FKBP9: variants seen among roughly 807,000 people sequenced by gnomAD.
The protein encoded by FKBP9 is peptidyl-prolyl cis-trans isomerase FKBP9.
Under a neutral mutation model 55.6 loss-of-function variants are expected in FKBP9, and 27 were observed. That is an observed-to-expected ratio of 0.49 (90% confidence interval 0.36 to 0.67). FKBP9 has a LOEUF of 0.67. FKBP9 is among the 30% of genes least tolerant of loss of function. FKBP9 has a pLI of 0.00. For synonymous variants in FKBP9, 267 were observed against 296.5 expected (o/e 0.90, Z 1.02); for missense variants, 539 against 742.8 (o/e 0.73, Z 3.19).
chr7:32,997,697 G>A lies in FKBP9; in HGVS notation c.1226+1348G>A, dbSNP rs557007920. On this transcript the variant is annotated intron_variant, in intron 7 of 9. Coordinates refer to ENST00000242209, the MANE Select transcript of FKBP9 (RefSeq NM_007270.5). ...ACAAAAATTAGCCGGGCGTAGTGGCGGGCAAATGTAATCCCAGCTACTCAT... is the reference window on the plus strand; with the variant it reads ...ACAAAAATTAGCCGGGCGTAGTGGCAGGCAAATGTAATCCCAGCTACTCAT... Among the ~76,000 whole-genome samples the A allele has an allele frequency of 5.3e-5, 8 of 152,258 alleles. No individual in the cohort carries two copies. The East Asian group carries it at 1.4e-3, about 26-fold the overall frequency.
At chr7:32,995,396 G>C (rs1471865504) in intron 6 of FKBP9, among the ~76,000 whole-genome samples, 1 of 152,184 alleles carries the variant, frequency 6.6e-6, no homozygotes, top group East Asian at 1.9e-4. Context: ...TACAACTGAT[G>C]CATATGTTTA....
At chr7:32,982,015 A>G (rs113413143) in intron 5 of FKBP9, among the ~76,000 whole-genome samples, 3 of 146,754 alleles carry the variant, frequency 2.0e-5, no homozygotes, top group African/African-American at 7.8e-5. Context: ...AATTTTTCCA[A>G]TGTCTGGATT....
At chr7:32,992,299 T>C (rs1391862437) in intron 6 of FKBP9, among the ~76,000 whole-genome samples, 11 of 8,112 alleles carry the variant, frequency 1.4e-3, no homozygotes, top group South Asian at 3.5e-3. Flanking sequence ...CCCACCCCCC[T>C]CAGAGGAAAC....
Position 32,974,714 on chromosome 7 carries a change from C to G in FKBP9, c.319C>G (p.Arg107Gly). Reference sequence around the variant, plus strand: ...TGTTGGGATGTGCGTAAACGAGAGACGTTTCGTGAAGATTCCCCCAAAGCT... The same window carrying G: ...TGTTGGGATGTGCGTAAACGAGAGAGGTTTCGTGAAGATTCCCCCAAAGCT... ...ALVGMCVNER[R>G]FVKIPPKLAY... is the part of the protein sequence containing the mutation. The change falls in exon 2 of 10, where the codon CGT becomes GGT. Residue 107 changes from arginine (R) to glycine (G), a missense_variant. Around this residue, in one of 4 missense-constraint regions of FKBP9, gnomAD observed 236 missense variants for 271.5 expected, o/e 0.87. Transcript: ENST00000242209. 1 of 1,613,904 alleles carries G rather than the reference C, an allele frequency of 6.2e-7. No homozygotes were observed. The highest frequency in any genetic ancestry group is 8.5e-7 in the Non-Finnish European group (1 of 1,179,844).
rs1046837616 is a variant in FKBP9 at position 32,968,995 on chromosome 7, A to G, written c.222-5622A>G. Reference sequence around the variant, plus strand: ...TTTGATTTGCATTTCTCTGCTGTTTAGTGATGTGGAGCATCTTTTCATTCG... The same window carrying G: ...TTTGATTTGCATTTCTCTGCTGTTTGGTGATGTGGAGCATCTTTTCATTCG... On this transcript the variant is annotated intron_variant, in intron 1 of 9. Coordinates refer to ENST00000242209, the MANE Select transcript of FKBP9 (RefSeq NM_007270.5). 3.2e-4 allele frequency among the ~76,000 whole-genome samples: 49 copies of G among 152,248 alleles called. 1 individual carries two copies. The highest frequency in any genetic ancestry group is 1.1e-3 in the African/African-American group (47 of 41,550).
At chr7:32,986,273 A>G (rs1784573821) in intron 5 of FKBP9, among the ~76,000 whole-genome samples, 1 of 152,124 alleles carries the variant, frequency 6.6e-6, no homozygotes, top group Non-Finnish European at 1.5e-5. Flanking sequence ...AATCTTTGCA[A>G]CTATTCCAGT....
chr7:33,005,576 C>T lies in FKBP9; in HGVS notation c.*225C>T, dbSNP rs1160298449. The stretch of plus-strand genomic sequence containing the variant: ...ACAAAATCTGTGCAGAGGGCCTTAG[C>T]ATGGGATGTGTCCAGTATTGAAAAG... On this transcript the variant is annotated 3_prime_UTR_variant, in exon 10 of 10. Transcript: ENST00000242209. 3 of 522,898 alleles carry T rather than the reference C, an allele frequency of 5.7e-6. No homozygotes were observed. Among genetic ancestry groups the T allele is most frequent in the Non-Finnish European group, 1.0e-5 (3 of 287,518 alleles). 32.4% of individuals were successfully genotyped at this position (522,898 alleles called of 1,614,324 possible).
At chr7:32,988,009 T>C (rs1271284545) in intron 5 of FKBP9, among the ~76,000 whole-genome samples, 1 of 134,916 alleles carries the variant, frequency 7.4e-6, no homozygotes, top group African/African-American at 2.5e-5. Context: ...TGGGACCCCA[T>C]CTCTACAAAA....
At chr7:32,999,627 TTTG>T (rs1188604850) in intron 7 of FKBP9, among the ~76,000 whole-genome samples, 1 of 152,212 alleles carries the variant, frequency 6.6e-6, no homozygotes, top group Non-Finnish European at 1.5e-5. Context: ...GATAGCTATA[TTTG>T]TTGTCTCCGT....
intron 2 of FKBP9, 149 bp from the exon 3 acceptor site, chr7:32,975,032 AG>A: frequency 1.5e-6 from 1 of 683,056 alleles, no homozygotes; most frequent in Non-Finnish European, 2.5e-6. Flanking sequence ...TGGAGGAAAG[AG>A]GGAGGAAGAA....
chr7:32,971,200 C>T (rs536677944), intron 1 of FKBP9, among the ~76,000 whole-genome samples: 1 of 152,230 alleles, frequency 6.6e-6, no homozygotes, highest in Admixed American at 6.5e-5. Flanking sequence ...CTTGATGCTG[C>T]CCATGAGTTT....
At chr7:32,994,417 C>T (rs1421338242) in intron 6 of FKBP9, among the ~76,000 whole-genome samples, 1 of 152,188 alleles carries the variant, frequency 6.6e-6, no homozygotes, top group African/African-American at 2.4e-5. Context: ...TGATTTTTAA[C>T]AGGTTACCAA....
chr7:32,983,759 A>G (rs1468762787), intron 5 of FKBP9, among the ~76,000 whole-genome samples: 1 of 152,230 alleles, frequency 6.6e-6, no homozygotes, highest in Admixed American at 6.5e-5. Flanking sequence ...TGGCTAATTT[A>G]TAGGAGAAAA....
intron 1 of FKBP9, among the ~76,000 whole-genome samples, chr7:32,966,962 C>T (rs972756828): frequency 4.6e-5 from 7 of 152,126 alleles, no homozygotes; most frequent in African/African-American, 1.7e-4. Flanking sequence ...GGACACAGAT[C>T]CAAACCCTAT....
Position 33,006,834 on chromosome 7 carries a change from G to T in FKBP9, c.*1483G>T, listed in dbSNP as rs1275088875. The T allele has an allele frequency of 1.5e-5, 3 of 194,550 alleles. No individual in the cohort carries two copies. The highest frequency in any genetic ancestry group is 3.2e-5 in the Non-Finnish European group (3 of 93,456). The allele number at this position is 194,550 out of a possible 1,614,324, so 12.1% of individuals were successfully genotyped here. A position where few individuals can be genotyped will look rare whatever the true frequency, so the allele number is the denominator to read the frequency against. On this transcript the variant is annotated 3_prime_UTR_variant, in exon 10 of 10. Transcript: ENST00000242209. ...CTAATTTAAACTATTTTGTACTGATGTAGCCCTGAGGTAGTTCATGAAAAT... is the reference window on the plus strand; with the variant it reads ...CTAATTTAAACTATTTTGTACTGATTTAGCCCTGAGGTAGTTCATGAAAAT...
intron 5 of FKBP9, among the ~76,000 whole-genome samples, chr7:32,982,865 A>G (rs1284986845): frequency 6.6e-6 from 1 of 152,180 alleles, no homozygotes; most frequent in African/African-American, 2.4e-5. Flanking sequence ...TTTGTCCTGT[A>G]TGTTTCCTGT....
At chr7:32,967,401 G>A (rs1301396577) in intron 1 of FKBP9, among the ~76,000 whole-genome samples, 2 of 152,062 alleles carry the variant, frequency 1.3e-5, no homozygotes, top group Non-Finnish European at 1.5e-5. Context: ...TTCCTTGTCC[G>A]CTGATAACAA....
chr7:32,958,785 A>G (rs1345371781), intron 1 of FKBP9, among the ~76,000 whole-genome samples: 2 of 152,182 alleles, frequency 1.3e-5, no homozygotes, highest in African/African-American at 4.8e-5. Flanking sequence ...GGATCACAGC[A>G]CTGCTCTCCC....
intron 7 of FKBP9, among the ~76,000 whole-genome samples, chr7:32,997,690 T>C (rs1042665130): frequency 4.6e-5 from 7 of 152,136 alleles, no homozygotes; most frequent in Non-Finnish European, 1.5e-5. Context: ...TAGCCGGGCG[T>C]AGTGGCGGGC....
Sources: gnomAD v4.1 joint callset for allele counts (sites outside exome capture counted in the v4.1 genomes callset) on GRCh38, gnomAD v4.1.1 for gene constraint, gnomAD v4.1.1 regional missense constraint, MANE v1.5 for transcripts, NCBI Gene and HGNC (gene_info 2026-07-23, HGNC 2026-07-21) for gene names.